The following LARS1 variants were observed in gnomAD, a reference collection of about 807,000 sequenced individuals.
LARS1 encodes leucine--tRNA ligase, cytoplasmic.
LARS1 carries 100 observed loss-of-function variants against 162.8 expected under a neutral mutation model. The ratio of observed to expected loss-of-function variants is 0.61; its 90% CI spans 0.52 to 0.73. The LOEUF (loss-of-function observed/expected upper bound fraction) is 0.73, where lower values mean the gene tolerates loss of function less well. LARS1 is among the 30% of genes least tolerant of loss of function. LARS1 has a pLI of 0.00. For synonymous variants in LARS1, 457 were observed against 462.8 expected (o/e 0.99, Z 0.16); for missense variants, 1,258 against 1,408.9 (o/e 0.89, Z 1.71).
At chr5:146,153,615 G>C in intron 12 of LARS1, 119 bp downstream of exon 12, 1 of 707,090 alleles carries the variant, frequency 1.4e-6, no homozygotes. Flanking sequence ...AAACAAGTTA[G>C]AGATAGCAGT....
At position 146,148,273 on chromosome 5, in the gene LARS1, A is replaced by G. The variant is rs1377987066; in HGVS notation, c.1503+1349T>C. Among the ~76,000 whole-genome samples, 6 of 152,224 alleles carry G rather than the reference A, an allele frequency of 3.9e-5. 1 individual carries two copies. Among genetic ancestry groups the G allele is most frequent in the East Asian group, 3.8e-4 (2 of 5,198 alleles). On this transcript the variant is annotated intron_variant, in intron 15 of 31. Transcript: ENST00000394434. ...GTATTCTTAGCAATAGTGGAGGAAC[A>G]TCCAAGATTTGTGCATCAGGACAGT...
At chr5:146,174,398 T>A (rs1460114976) in intron 2 of LARS1, among the ~76,000 whole-genome samples, 1 of 142,672 alleles carries the variant, frequency 7.0e-6, no homozygotes, top group Non-Finnish European at 1.5e-5. Flanking sequence ...TGAGCCGAGA[T>A]CACACCATTG....
intron 4 of LARS1, among the ~76,000 whole-genome samples, chr5:146,169,113 A>G (rs1399740711): frequency 2.0e-5 from 3 of 151,866 alleles, no homozygotes; most frequent in African/African-American, 4.8e-5. Context: ...GCAAGAAAGA[A>G]AGAAAGAAAG....
intron 5 of LARS1, 72 bp downstream of exon 5, chr5:146,168,056 G>C (rs1357517968): frequency 2.4e-6 from 3 of 1,270,808 alleles, no homozygotes; most frequent in Non-Finnish European, 3.3e-6. Flanking sequence ...CACTGTGCTA[G>C]TACTGGGAAT....
chr5:146,122,116 A>G (rs1366315977), intron 30 of LARS1, among the ~76,000 whole-genome samples: 3 of 152,170 alleles, frequency 2.0e-5, no homozygotes, highest in African/African-American at 7.2e-5. Context: ...ACAGCCTTGA[A>G]TAACAATCAA....
At chr5:146,169,754 G>A (rs1334823024) in intron 4 of LARS1, among the ~76,000 whole-genome samples, 2 of 151,966 alleles carry the variant, frequency 1.3e-5, no homozygotes, top group African/African-American at 4.8e-5. Context: ...TCACCACGTT[G>A]GCCAGGCTGG....
chr5:146,174,221 G>A (rs537838750), intron 2 of LARS1, among the ~76,000 whole-genome samples: 20 of 149,202 alleles, frequency 1.3e-4, no homozygotes, highest in Non-Finnish European at 2.7e-4. Flanking sequence ...AGGCGGAGGC[G>A]GGCGGATCAC....
intron 1 of LARS1, 89 bp from the exon 2 acceptor site, chr5:146,177,754 G>A (rs1581096836): frequency 3.9e-6 from 2 of 513,512 alleles, no homozygotes; most frequent in East Asian, 7.8e-5. Flanking sequence ...GCTGCTCACT[G>A]ATAAAGACTG....
intron 12 of LARS1, among the ~76,000 whole-genome samples, 157 bp downstream of exon 12, chr5:146,153,577 A>G (rs1446114577): frequency 6.7e-6 from 1 of 149,854 alleles, no homozygotes; most frequent in Non-Finnish European, 1.5e-5. Context: ...TTTAAAATTC[A>G]AACCACAGAA....
Position 146,114,062 on chromosome 5 carries a change from T to C in LARS1, c.*44A>G. On this transcript the variant is annotated 3_prime_UTR_variant, in exon 32 of 32. Coordinates refer to ENST00000394434, the MANE Select transcript of LARS1 (RefSeq NM_020117.11). The stretch of plus-strand genomic sequence containing the variant: ...CAATCAGTAGACACAATCAGAGTAG[T>C]AGTATTCCTAAGAAACCAGGATAAA... The C allele has an allele frequency of 1.4e-6, 2 of 1,419,910 alleles. No homozygotes were observed. Among genetic ancestry groups the C allele is most frequent in the East Asian group, 2.3e-5 (1 of 43,932 alleles). The allele number at this position is 1,419,910 out of a possible 1,614,324, so 88.0% of individuals were successfully genotyped here.
chr5:146,136,470 T>C, intron 21 of LARS1, among the ~76,000 whole-genome samples: 1 of 150,528 alleles, frequency 6.6e-6, no homozygotes, highest in Non-Finnish European at 1.5e-5. Flanking sequence ...CAGTCTAATA[T>C]ACAGATTACC....
Position 146,132,952 on chromosome 5 carries a change from C to T in LARS1, c.2342G>A (p.Trp781Ter). The T allele has an allele frequency of 1.9e-6, 3 of 1,614,126 alleles. No individual in the cohort carries two copies. The highest frequency in any genetic ancestry group is 2.2e-5 in the South Asian group (2 of 91,080). The change falls in exon 23 of 32, where the codon TGG (tryptophan) becomes TAG (stop). Residue 781 changes from tryptophan to a stop codon, truncating the protein, a stop_gained. Coordinates refer to ENST00000394434, the MANE Select transcript of LARS1 (RefSeq NM_020117.11). LOFTEE classifies it high-confidence loss of function. Reference sequence around the variant, plus strand: ...GGCAGGACCACTTCTTAGGCTGTCCCAGTTGGCAACCATTTCTTTCACCCA... The same window carrying T: ...GGCAGGACCACTTCTTAGGCTGTCCTAGTTGGCAACCATTTCTTTCACCCA... Reference protein sequence around the residue: ...VEWVKEMVANWDSLRSGPAST... With the variant: ...VEWVKEMVAN
chr5:146,156,882 T>C (rs1366007773), intron 10 of LARS1, among the ~76,000 whole-genome samples: 1 of 152,180 alleles, frequency 6.6e-6, no homozygotes. Context: ...ATTAAATCTC[T>C]TGGGGAGGAC....
At chr5:146,155,337 C>G (rs1328771907) in intron 10 of LARS1, among the ~76,000 whole-genome samples, 3 of 151,920 alleles carry the variant, frequency 2.0e-5, no homozygotes, top group Admixed American at 6.6e-5. Context: ...ACAAGTCTAC[C>G]CAATGCTGAG....
chr5:146,122,646 C>T, intron 29 of LARS1, 59 bp from the exon 30 acceptor site: 1 of 872,440 alleles, frequency 1.1e-6, no homozygotes, highest in Admixed American at 2.0e-5. Flanking sequence ...TCAAATTAAT[C>T]ATCACCTCAT....
At chr5:146,179,762 C>A (rs1754753109) in intron 1 of LARS1, 1 of 322,736 alleles carries the variant, frequency 3.1e-6, no homozygotes, top group Non-Finnish European at 6.3e-6. Flanking sequence ...CCACCATACC[C>A]AGATAGTTTT....
At chr5:146,168,380 T>C (rs1754114865) in intron 4 of LARS1, 115 bp from the exon 5 acceptor site, 13 of 1,073,686 alleles carry the variant, frequency 1.2e-5, no homozygotes, top group Non-Finnish European at 1.6e-5. Context: ...AATATATTGA[T>C]ACCTATGTGG....
At position 146,182,621 on chromosome 5, in the gene LARS1, C is replaced by A. The variant is rs998158192; in HGVS notation, c.-128G>T. 2 of 1,236,154 alleles carry A rather than the reference C, an allele frequency of 1.6e-6. No individual in the cohort carries two copies. The highest frequency in any genetic ancestry group is 2.4e-5 in the East Asian group (1 of 42,518). The allele number at this position is 1,236,154 out of a possible 1,614,324, so 76.6% of individuals were successfully genotyped here. A position where few individuals can be genotyped will look rare whatever the true frequency, so the allele number is the denominator to read the frequency against. The stretch of plus-strand genomic sequence containing the variant: ...ACGAAACTAAAGCACACGCTTCACA[C>A]CTGCTGAGGCAATCATCCGGCTCCT... On this transcript the variant is annotated 5_prime_UTR_variant, in exon 1 of 32. Transcript: ENST00000394434.
chr5:146,161,739 G>A (rs991615569), intron 6 of LARS1, among the ~76,000 whole-genome samples: 28 of 137,754 alleles, frequency 2.0e-4, no homozygotes, highest in Non-Finnish European at 4.7e-5. Context: ...GGCAACAAGA[G>A]CAAAACTCCA....
Sources: gnomAD v4.1 joint callset for allele counts (sites outside exome capture counted in the v4.1 genomes callset) on GRCh38, gnomAD v4.1.1 for gene constraint, MANE v1.5 for transcripts, NCBI Gene and HGNC (gene_info 2026-07-23, HGNC 2026-07-21) for gene names.